Variants in ZNF536 observed in about 807,000 individuals in gnomAD.
ZNF536 encodes the protein zinc finger protein 536.
Under a neutral mutation model 84.5 loss-of-function variants are expected in ZNF536, and 13 were observed. That is an observed-to-expected ratio of 0.15 (90% confidence interval 0.10 to 0.24). The LOEUF (loss-of-function observed/expected upper bound fraction) is 0.24, where lower values mean the gene tolerates loss of function less well. Among genes scored for constraint, ZNF536 ranks in the 10% least tolerant of loss-of-function variants. The pLI, the probability that ZNF536 is intolerant of heterozygous loss-of-function variation, is 1.00. For synonymous variants in ZNF536, 811 were observed against 742.5 expected, an observed-to-expected ratio of 1.09 and a Z score of -1.50; for missense variants, 1,536 against 1,747.5, an observed-to-expected ratio of 0.88 and a Z score of 2.16.
intron 1 of ZNF536, among the ~76,000 whole-genome samples, chr19:30,598,965 T>TTTCCTCCC (rs1568589230): frequency 2.4e-5 from 1 of 42,260 alleles, no homozygotes; most frequent in Non-Finnish European, 6.7e-5. Context: ...TCCTTCCTCC[T>TTTCCTCCC]TCCCTCCTTC....
intron 2 of ZNF536, among the ~76,000 whole-genome samples, chr19:30,289,985 C>T (rs1267093717): frequency 5.9e-5 from 9 of 152,186 alleles, no homozygotes; most frequent in Admixed American, 6.5e-5. Flanking sequence ...ATCTCTAGAA[C>T]GTTTTGAAAC....
At chr19:30,695,855 T>C (rs572655619) in intron 1 of ZNF536, among the ~76,000 whole-genome samples, 8 of 152,154 alleles carry the variant, frequency 5.3e-5, no homozygotes, top group Admixed American at 2.6e-4. Context: ...CCATCTCTGC[T>C]AAATTCCGTG....
At chr19:30,272,975 C>T (rs1055024789) in intron 1 of ZNF536, among the ~76,000 whole-genome samples, 1 of 152,096 alleles carries the variant, frequency 6.6e-6, no homozygotes, top group African/African-American at 2.4e-5. Flanking sequence ...TGCAGCAGCA[C>T]AATCATAGCT....
In ZNF536 at chr19:30,686,475, GC is replaced by G. The variant is rs376484183; in HGVS notation, c.170-24275del. On this transcript the variant is annotated intron_variant, in intron 1 of 1. Coordinates refer to the ZNF536 transcript ENST00000592773. Reference sequence around the variant, plus strand: ...AGGGGCACTGACAATGGAAGCTGCAGCCCCCCCAAGTGGGGCTCACACAGGG... The same window carrying G: ...AGGGGCACTGACAATGGAAGCTGCAGCCCCCCAAGTGGGGCTCACACAGGG... Among the ~76,000 whole-genome samples the G allele has an allele frequency of 4.1e-3, 628 of 152,264 alleles. 7 individuals are homozygous for G. The highest frequency in any genetic ancestry group is 0.014 in the African/African-American group (584 of 41,554).
intron 2 of ZNF536, among the ~76,000 whole-genome samples, chr19:30,466,607 A>AGAGAGAGAGAG (rs1600860368): frequency 6.6e-6 from 1 of 151,520 alleles, no homozygotes; most frequent in Admixed American, 6.6e-5. Context: ...AGAGAGAAAG[A>AGAGAGAGAGAG]AAAGAGAACT....
intron 1 of ZNF536, among the ~76,000 whole-genome samples, chr19:30,643,802 A>T (rs995444717): frequency 1.3e-5 from 2 of 152,090 alleles, no homozygotes; most frequent in Non-Finnish European, 2.9e-5. Context: ...TCCCCCAGTT[A>T]ACCCTTTTCT....
intron 1 of ZNF536, among the ~76,000 whole-genome samples, chr19:30,667,479 C>G (rs1261615047): frequency 6.6e-6 from 1 of 152,098 alleles, no homozygotes; most frequent in Non-Finnish European, 1.5e-5. Flanking sequence ...CATGCCGAAG[C>G]TGCCTGTGAG....
At chr19:30,704,968 C>G (rs2052165977) in intron 1 of ZNF536, among the ~76,000 whole-genome samples, 1 of 151,686 alleles carries the variant, frequency 6.6e-6, no homozygotes, top group African/African-American at 2.4e-5. Flanking sequence ...TTCTCTGACC[C>G]AAAGCCAACA....
intron 2 of ZNF536, among the ~76,000 whole-genome samples, chr19:30,335,544 G>T (rs1026426131): frequency 6.6e-6 from 1 of 152,108 alleles, no homozygotes; most frequent in African/African-American, 2.4e-5. Flanking sequence ...TGAGCTACGC[G>T]GTGGGTGTCT....
At chr19:30,230,931 G>A (rs1420851264) in intron 1 of ZNF536, among the ~76,000 whole-genome samples, 1 of 151,728 alleles carries the variant, frequency 6.6e-6, no homozygotes, top group Non-Finnish European at 1.5e-5. Flanking sequence ...AATGGAGGGG[G>A]AAGAAAGACA....
At chr19:30,639,944 A>C (rs1412909115) in intron 1 of ZNF536, among the ~76,000 whole-genome samples, 1 of 152,154 alleles carries the variant, frequency 6.6e-6, no homozygotes, top group Non-Finnish European at 1.5e-5. Flanking sequence ...CCTTGAAATT[A>C]TTTATATACT....
intron 1 of ZNF536, among the ~76,000 whole-genome samples, chr19:30,639,985 C>T (rs2049206809): frequency 6.6e-6 from 1 of 152,216 alleles, no homozygotes; most frequent in Non-Finnish European, 1.5e-5. Context: ...TGGCTCACGC[C>T]TGTAATTCCA....
chr19:30,327,221 C>A (rs1469373252), intron 2 of ZNF536, among the ~76,000 whole-genome samples: 1 of 152,206 alleles, frequency 6.6e-6, no homozygotes, highest in Non-Finnish European at 1.5e-5. Context: ...AAGGACACAG[C>A]ATTGTTGAAA....
intron 1 of ZNF536, among the ~76,000 whole-genome samples, chr19:30,433,315 C>G (rs2051563120): frequency 1.3e-5 from 2 of 152,200 alleles, no homozygotes; most frequent in East Asian, 3.9e-4. Context: ...CTTCATGAGT[C>G]CATCCATCTT....
chr19:30,267,950 A>G (rs1568546031), intron 1 of ZNF536, among the ~76,000 whole-genome samples: 1 of 151,864 alleles, frequency 6.6e-6, no homozygotes, highest in African/African-American at 2.4e-5. Flanking sequence ...TTATTTGTTT[A>G]TGATATCTGT....
chr19:30,588,906 T>G (rs1442958218), intron 1 of ZNF536, among the ~76,000 whole-genome samples: 1 of 152,228 alleles, frequency 6.6e-6, no homozygotes, highest in Non-Finnish European at 1.5e-5. Flanking sequence ...ACAGGTGACA[T>G]GCGAATATGG....
intron 2 of ZNF536, among the ~76,000 whole-genome samples, chr19:30,315,645 T>C (rs2146167276): frequency 6.6e-6 from 1 of 152,284 alleles, no homozygotes; most frequent in South Asian, 2.1e-4. Flanking sequence ...CTATTAAGAT[T>C]CAAACAACAC....
Position 30,333,134 on chromosome 19 carries a change from G to C in ZNF536, c.-119-19234G>C, listed in dbSNP as rs536215927. ...TCACTGCACTCCAGCCTGCATGATG[G>C]AGTGAGACCCTGTCTTCAACAAATA... On this transcript the variant is annotated intron_variant, in intron 2 of 5. Coordinates refer to the ZNF536 transcript ENST00000585628. Among the ~76,000 whole-genome samples the C allele has an allele frequency of 1.2e-4, 19 of 152,110 alleles. 1 individual carries two copies. The highest frequency in any genetic ancestry group is 4.6e-4 in the African/African-American group (19 of 41,478).
At chr19:30,264,460 T>A (rs1347502786) in intron 1 of ZNF536, among the ~76,000 whole-genome samples, 2 of 150,436 alleles carry the variant, frequency 1.3e-5, no homozygotes, top group East Asian at 4.0e-4. Context: ...TGTGTGTTAT[T>A]GTTCAGGGCC....
Sources: gnomAD v4.1 joint callset for allele counts (sites outside exome capture counted in the v4.1 genomes callset) on GRCh38, gnomAD v4.1.1 for gene constraint, MANE v1.5 for transcripts, NCBI Gene and HGNC (gene_info 2026-07-23, HGNC 2026-07-21) for gene names.